Variants in KCND2 observed in about 807,000 individuals in gnomAD.
The protein encoded by KCND2 is A-type voltage-gated potassium channel KCND2.
KCND2 carries 16 observed loss-of-function variants against 54.4 expected under a neutral mutation model. The ratio of observed to expected loss-of-function variants is 0.29; its 90% CI spans 0.20 to 0.45. The LOEUF is 0.45. Ranked by LOEUF, KCND2 falls within the 20% of genes least tolerant of loss-of-function variation. The pLI is 1.00. For synonymous variants in KCND2, 317 were observed against 310.7 expected, an observed-to-expected ratio of 1.02 and a Z score of -0.21; for missense variants, 486 against 824.2, an observed-to-expected ratio of 0.59 and a Z score of 5.02.
chr7:120,733,637 G>A (rs532387058), intron 2 of KCND2, among the ~76,000 whole-genome samples: 25 of 152,152 alleles, frequency 1.6e-4, no homozygotes, highest in African/African-American at 5.3e-4. Flanking sequence ...TCCAGTAGAC[G>A]AGGGTTATTA....
At chr7:120,358,354 G>A (rs984848248) in intron 1 of KCND2, among the ~76,000 whole-genome samples, 1 of 152,024 alleles carries the variant, frequency 6.6e-6, no homozygotes, top group Non-Finnish European at 1.5e-5. Context: ...TAGGGGTTTT[G>A]TTTTTATTTT....
intron 1 of KCND2, among the ~76,000 whole-genome samples, chr7:120,312,000 G>C (rs1469117743): frequency 6.6e-6 from 1 of 152,098 alleles, no homozygotes; most frequent in Non-Finnish European, 1.5e-5. Context: ...CACCTCCTGG[G>C]TTCAAACAAT....
intron 1 of KCND2, among the ~76,000 whole-genome samples, chr7:120,566,475 T>C (rs1481435889): frequency 2.0e-5 from 3 of 152,084 alleles, no homozygotes; most frequent in Non-Finnish European, 4.4e-5. Context: ...CCCACGTACC[T>C]GGGGCTACAG....
chr7:120,514,752 T>C (rs1803171773), intron 1 of KCND2, among the ~76,000 whole-genome samples: 1 of 152,022 alleles, frequency 6.6e-6, no homozygotes, highest in African/African-American at 2.4e-5. Context: ...CCTCAGATCA[T>C]CAGGCATTAG....
intron 1 of KCND2, among the ~76,000 whole-genome samples, chr7:120,679,152 T>C (rs1248112548): frequency 6.6e-6 from 1 of 151,936 alleles, no homozygotes; most frequent in Non-Finnish European, 1.5e-5. Flanking sequence ...CCCATAAAGA[T>C]TCTTGAGATT....
chr7:120,534,881 A>G (rs1175375424), intron 1 of KCND2, among the ~76,000 whole-genome samples: 1 of 152,186 alleles, frequency 6.6e-6, no homozygotes, highest in Non-Finnish European at 1.5e-5. Flanking sequence ...GAATGATAAA[A>G]GAAATAATTT....
At chr7:120,308,183 A>T (rs1479466167) in intron 1 of KCND2, among the ~76,000 whole-genome samples, 3 of 152,112 alleles carry the variant, frequency 2.0e-5, no homozygotes, top group Admixed American at 2.0e-4. Context: ...AGAGAAAAAA[A>T]ATCTCTCTTA....
rs1799377055 is a variant in KCND2, at chr7:120,288,231, A to G, written c.1115+12484A>G. Among the ~76,000 whole-genome samples the G allele has an allele frequency of 1.3e-5, 2 of 152,132 alleles. 1 individual carries two copies. The highest frequency in any genetic ancestry group is 4.1e-4 in the South Asian group (2 of 4,834). Reference sequence around the variant, plus strand: ...GGAATTAGATAAAAGCCTCTGAACAAAGGAGGAGCTTACGAAAAAGAAGAC... The same window carrying G: ...GGAATTAGATAAAAGCCTCTGAACAGAGGAGGAGCTTACGAAAAAGAAGAC... On this transcript the variant is annotated intron_variant, in intron 1 of 5. Coordinates refer to ENST00000331113, the MANE Select transcript of KCND2 (RefSeq NM_012281.3).
At chr7:120,467,438 C>G (rs1456789697) in intron 1 of KCND2, among the ~76,000 whole-genome samples, 1 of 152,102 alleles carries the variant, frequency 6.6e-6, no homozygotes, top group Non-Finnish European at 1.5e-5. Flanking sequence ...ACTAGAAAAT[C>G]TAGCTGCTTA....
At chr7:120,529,608 C>A (rs896881922) in intron 1 of KCND2, among the ~76,000 whole-genome samples, 1 of 152,252 alleles carries the variant, frequency 6.6e-6, no homozygotes, top group African/African-American at 2.4e-5. Context: ...TTTTCTTGTG[C>A]ATAGGCATTC....
chr7:120,715,195 G>C (rs966356089), intron 1 of KCND2, among the ~76,000 whole-genome samples: 1 of 151,860 alleles, frequency 6.6e-6, no homozygotes, highest in Admixed American at 6.6e-5. Flanking sequence ...AGTTTTTACA[G>C]TAAGACTGTT....
chr7:120,490,799 A>AG (rs141385244), intron 1 of KCND2, among the ~76,000 whole-genome samples: 8,000 of 152,234 alleles, frequency 0.053, 730 homozygotes, highest in African/African-American at 0.18. Context: ...ACATATGGAT[A>AG]GCTCAAGAAA....
chr7:120,512,359 T>G (rs1166090725), intron 1 of KCND2, among the ~76,000 whole-genome samples: 1 of 151,954 alleles, frequency 6.6e-6, no homozygotes, highest in South Asian at 2.1e-4. Flanking sequence ...TAAATATAAA[T>G]AAAAACATTT....
intron 1 of KCND2, among the ~76,000 whole-genome samples, chr7:120,359,898 A>G (rs1800569091): frequency 6.6e-6 from 1 of 152,070 alleles, no homozygotes; most frequent in Non-Finnish European, 1.5e-5. Context: ...ACTCTCTCTC[A>G]TCTGCCACCA....
intron 1 of KCND2, among the ~76,000 whole-genome samples, chr7:120,299,707 A>G (rs975611889): frequency 6.6e-6 from 1 of 152,208 alleles, no homozygotes; most frequent in African/African-American, 2.4e-5. Flanking sequence ...CTCCACATAT[A>G]ACATCTGCGT....
At chr7:120,643,118 CT>C (rs1248303654) in intron 1 of KCND2, among the ~76,000 whole-genome samples, 3 of 152,158 alleles carry the variant, frequency 2.0e-5, no homozygotes, top group Admixed American at 1.3e-4. Context: ...TCAGTACATA[CT>C]GATATCTTTT....
intron 1 of KCND2, among the ~76,000 whole-genome samples, chr7:120,530,729 T>C (rs922332496): frequency 3.9e-5 from 6 of 152,158 alleles, no homozygotes; most frequent in African/African-American, 7.2e-5. Flanking sequence ...CTTATTATAT[T>C]TCTACCTCAC....
At chr7:120,446,745 T>C (rs1228653482) in intron 1 of KCND2, among the ~76,000 whole-genome samples, 1 of 152,212 alleles carries the variant, frequency 6.6e-6, no homozygotes, top group Non-Finnish European at 1.5e-5. Flanking sequence ...CTCAAGTTTC[T>C]CTTGTTATAG....
chr7:120,545,089 C>T (rs1258647584), intron 1 of KCND2, among the ~76,000 whole-genome samples: 6 of 151,886 alleles, frequency 4.0e-5, no homozygotes, highest in Non-Finnish European at 2.9e-5. Context: ...TTCAAACAAA[C>T]ATTACCATAG....
Sources: gnomAD v4.1 joint callset for allele counts (sites outside exome capture counted in the v4.1 genomes callset) on GRCh38, gnomAD v4.1.1 for gene constraint, MANE v1.5 for transcripts, NCBI Gene and HGNC (gene_info 2026-07-23, HGNC 2026-07-21) for gene names.